The following ORC4 variants were observed in gnomAD, a reference collection of about 807,000 sequenced individuals.
The protein encoded by ORC4 is origin recognition complex, subunit 4 homolog.
ORC4 carries 55 observed loss-of-function variants against 63.9 expected under a neutral mutation model. The ratio of observed to expected loss-of-function variants is 0.86; its 90% confidence interval spans 0.69 to 1.08. ORC4 has a LOEUF of 1.08. Ranked by LOEUF, ORC4 falls within the 50% of genes least tolerant of loss-of-function variation. The pLI, the probability that ORC4 is intolerant of heterozygous loss-of-function variation, is 0.00. For synonymous variants in ORC4, 150 were observed against 168.5 expected, an observed-to-expected ratio of 0.89 and a Z score of 0.85; for missense variants, 511 against 504.4, an observed-to-expected ratio of 1.01 and a Z score of -0.13.
rs1277693180 is a variant in ORC4 at position 147,930,684 on chromosome 2, A to G, written c.*4826T>C. 6.6e-6 allele frequency: 1 copy of G among 152,292 alleles called. No individual in the cohort carries two copies. Among genetic ancestry groups the G allele is most frequent in the African/African-American group, 2.4e-5 (1 of 41,366 alleles). The allele number at this position is 152,292 out of a possible 1,614,324, so 9.4% of individuals were successfully genotyped here. A position where few individuals can be genotyped will look rare whatever the true frequency, so the allele number is the denominator to read the frequency against. Reference sequence around the variant, plus strand: ...GTACTACTGTCAAATCGTACTTGCTATTTTTTCTGCAAGTATTTAACAGAA... The same window carrying G: ...GTACTACTGTCAAATCGTACTTGCTGTTTTTTCTGCAAGTATTTAACAGAA... On this transcript the variant is annotated 3_prime_UTR_variant, in exon 14 of 14. Transcript: ENST00000392857.
intron 4 of ORC4, among the ~76,000 whole-genome samples, chr2:147,970,227 G>C (rs183720427): frequency 6.6e-6 from 1 of 152,166 alleles, no homozygotes; most frequent in African/African-American, 2.4e-5. Flanking sequence ...TCCAAGAACG[G>C]GAAGACTAAA....
intron 7 of ORC4, among the ~76,000 whole-genome samples, chr2:147,953,859 C>A (rs1213309719): frequency 6.6e-6 from 1 of 151,896 alleles, no homozygotes; most frequent in Non-Finnish European, 1.5e-5. Context: ...AATACAGTAG[C>A]CTAAATGACT....
At chr2:147,957,495 G>A (rs781298751) in intron 6 of ORC4, among the ~76,000 whole-genome samples, 51 of 151,816 alleles carry the variant, frequency 3.4e-4, no homozygotes, top group Non-Finnish European at 5.6e-4. Context: ...GAAAATTCAG[G>A]TAGGTGCAAA....
chr2:148,019,384 G>A (rs1186580603), intron 1 of ORC4, among the ~76,000 whole-genome samples: 5 of 152,214 alleles, frequency 3.3e-5, no homozygotes, highest in Non-Finnish European at 5.9e-5. Context: ...GAGGTCAAGA[G>A]ATCGAGACCA....
rs17219085 is a variant in ORC4, at chr2:147,958,595, A to C, written c.301+196T>G. 2,480 of 579,762 alleles carry C rather than the reference A, an allele frequency of 4.3e-3. 53 individuals are homozygous for C. Among genetic ancestry groups the C allele is most frequent in the African/African-American group, 0.042 (2,208 of 52,482 alleles). The allele number at this position is 579,762 out of a possible 1,614,324, so 35.9% of individuals were successfully genotyped here. On this transcript the variant is annotated intron_variant, in intron 5 of 13. Coordinates refer to ENST00000392857, the MANE Select transcript of ORC4 (RefSeq NM_181741.4). Reference sequence around the variant, plus strand: ...TAAAAAAAAAAAAACCAAAAAACCCACAAAAACCAGAGTCCTTCTGCGACT... The same window carrying C: ...TAAAAAAAAAAAAACCAAAAAACCCCCAAAAACCAGAGTCCTTCTGCGACT...
At position 147,972,768 on chromosome 2, in the gene ORC4, TA is replaced by T; in HGVS notation, c.195del (p.Ile66SerfsTer11). 8.1e-6 allele frequency: 13 copies of T among 1,610,372 alleles called. No homozygotes were observed. The highest frequency in any genetic ancestry group is 1.1e-5 in the Non-Finnish European group (13 of 1,177,454). ...ALHGESNSVL[I>X]IGPRGSGKTM... ...GTTTTTCCTGATCCTCGGGGTCCGA[TA>T]ATAAGGACAGAGTTACTCTCTCCAT... On this transcript the variant is annotated frameshift_variant, in exon 4 of 14. Coordinates refer to ENST00000392857, the MANE Select transcript of ORC4 (RefSeq NM_181741.4). LOFTEE classifies it high-confidence loss of function.
chr2:147,984,711 G>A (rs1052254382), intron 1 of ORC4, among the ~76,000 whole-genome samples: 2 of 152,198 alleles, frequency 1.3e-5, no homozygotes, highest in African/African-American at 4.8e-5. Context: ...GTCATCTAAA[G>A]CTGTCTGCTC....
At chr2:147,996,478 G>A (rs1341562568) in intron 1 of ORC4, among the ~76,000 whole-genome samples, 5 of 151,992 alleles carry the variant, frequency 3.3e-5, no homozygotes, top group Non-Finnish European at 7.4e-5. Context: ...CTACCAAATG[G>A]CACTACTAAG....
At chr2:147,987,838 G>C (rs1375200072) in intron 1 of ORC4, among the ~76,000 whole-genome samples, 1 of 152,042 alleles carries the variant, frequency 6.6e-6, no homozygotes, top group East Asian at 1.9e-4. Context: ...CAGATCATGA[G>C]GTGAGGAGAT....
At chr2:147,957,632 G>T (rs575661438) in intron 6 of ORC4, among the ~76,000 whole-genome samples, 79 of 152,226 alleles carry the variant, frequency 5.2e-4, no homozygotes, top group Non-Finnish European at 7.4e-4. Flanking sequence ...ACTATAAGAT[G>T]ATATGATAAT....
At chr2:148,020,081 TTG>T (rs1693602671) in intron 1 of ORC4, among the ~76,000 whole-genome samples, 1 of 152,064 alleles carries the variant, frequency 6.6e-6, no homozygotes, top group Non-Finnish European at 1.5e-5. Flanking sequence ...AGCAAAGGCT[TTG>T]TGTTGTAGCA....
intron 7 of ORC4, among the ~76,000 whole-genome samples, chr2:147,953,169 T>C (rs528843516): frequency 7.6e-6 from 1 of 131,736 alleles, no homozygotes; most frequent in East Asian, 2.0e-4. Context: ...ATCTCTGCTA[T>C]TAAAAAAAAA....
At position 147,955,344 on chromosome 2, in the gene ORC4, T is replaced by A; in HGVS notation, c.436+3A>T. On this transcript the variant is annotated splice_donor_region_variant and intron_variant, in intron 7 of 13. Coordinates refer to ENST00000392857, the MANE Select transcript of ORC4 (RefSeq NM_181741.4). ...TGAAACGGCTGAATATGTTAATATT[T>A]ACCTTTTTTTAAAGCTTCCAGAAGA... is the stretch of plus-strand genomic sequence containing the variant. 6.3e-7 allele frequency: 1 copy of A among 1,589,430 alleles called. No individual in the cohort carries two copies. The highest frequency in any genetic ancestry group is 8.6e-7 in the Non-Finnish European group (1 of 1,159,532).
intron 1 of ORC4, among the ~76,000 whole-genome samples, chr2:148,016,645 G>C (rs1207378712): frequency 6.6e-6 from 1 of 152,126 alleles, no homozygotes; most frequent in Non-Finnish European, 1.5e-5. Context: ...CAGGATGCAG[G>C]AAAAAGCTTT....
At chr2:147,949,086 A>T (rs1400973995) in intron 8 of ORC4, among the ~76,000 whole-genome samples, 1 of 130,762 alleles carries the variant, frequency 7.6e-6, no homozygotes, top group South Asian at 2.3e-4. Flanking sequence ...TTATTACTTA[A>T]GTTACACTCC....
intron 4 of ORC4, among the ~76,000 whole-genome samples, chr2:147,961,310 C>T (rs909232765): frequency 3.3e-5 from 5 of 151,792 alleles, no homozygotes; most frequent in African/African-American, 1.2e-4. Flanking sequence ...TGTGGTGGCA[C>T]ATGCCTGTCC....
intron 1 of ORC4, among the ~76,000 whole-genome samples, chr2:148,009,752 C>T (rs1406113595): frequency 1.3e-5 from 2 of 152,204 alleles, no homozygotes; most frequent in African/African-American, 4.8e-5. Context: ...CATCCAACAG[C>T]CGCAGAATAC....
intron 1 of ORC4, among the ~76,000 whole-genome samples, chr2:148,006,144 A>G (rs1449722761): frequency 6.6e-6 from 1 of 152,202 alleles, no homozygotes. Flanking sequence ...CAGGCAGCAC[A>G]GCACTGAGAT....
intron 1 of ORC4, among the ~76,000 whole-genome samples, chr2:148,006,154 T>C (rs542717617): frequency 5.9e-5 from 9 of 152,290 alleles, no homozygotes; most frequent in Admixed American, 3.3e-4. Context: ...AGCACTGAGA[T>C]AGAATCTGTG....
Sources: gnomAD v4.1 joint callset for allele counts (sites outside exome capture counted in the v4.1 genomes callset) on GRCh38, gnomAD v4.1.1 for gene constraint, MANE v1.5 for transcripts, NCBI Gene and HGNC (gene_info 2026-07-23, HGNC 2026-07-21) for gene names.